GUCY1A2: variants seen among roughly 807,000 people sequenced by gnomAD.
The protein encoded by GUCY1A2 is guanylate cyclase 1 soluble subunit alpha 2, also known as guanylate cyclase soluble subunit alpha-2.
A neutral mutation model predicts 63.5 loss-of-function variants in GUCY1A2; 27 were observed. The ratio of observed to expected loss-of-function variants is 0.43; its 90% CI spans 0.31 to 0.59. The LOEUF (loss-of-function observed/expected upper bound fraction) is 0.59. Among genes scored for constraint, GUCY1A2 ranks in the 20% least tolerant of loss-of-function variants. The pLI is 0.11. For missense variants in GUCY1A2, 768 were observed against 913.3 expected (o/e 0.84, Z 2.05); for synonymous variants, 364 against 343.5 (o/e 1.06, Z -0.66).
chr11:106,682,430 C>T lies in GUCY1A2; in HGVS notation c.*5119G>A, dbSNP rs1480936399. 1 of 209,558 alleles carries T rather than the reference C, an allele frequency of 4.8e-6. No homozygotes were observed. Among genetic ancestry groups the T allele is most frequent in the Non-Finnish European group, 9.7e-6 (1 of 103,094 alleles). The allele number at this position is 209,558 out of a possible 1,614,324, so 13.0% of individuals were successfully genotyped here. Reference sequence around the variant, plus strand: ...CCTGAGACCTACTGAATCCAAATCTCTGAAGGTAAAGACTAGTCTTCTGTA... The same window carrying T: ...CCTGAGACCTACTGAATCCAAATCTTTGAAGGTAAAGACTAGTCTTCTGTA... On this transcript the variant is annotated 3_prime_UTR_variant, in exon 8 of 8. Coordinates refer to ENST00000526355, the MANE Select transcript of GUCY1A2 (RefSeq NM_000855.3).
chr11:106,956,374 A>G (rs1246195164), intron 3 of GUCY1A2, among the ~76,000 whole-genome samples: 1 of 151,630 alleles, frequency 6.6e-6, no homozygotes, highest in Non-Finnish European at 1.5e-5. Flanking sequence ...GGTTTACAGC[A>G]TTTTTTCATT....
intron 4 of GUCY1A2, among the ~76,000 whole-genome samples, chr11:106,890,103 G>A (rs1859953954): frequency 6.6e-6 from 1 of 152,074 alleles, no homozygotes; most frequent in Non-Finnish European, 1.5e-5. Flanking sequence ...AAGTATTCCA[G>A]TTAAGTAGTA....
intron 4 of GUCY1A2, among the ~76,000 whole-genome samples, chr11:106,858,178 A>G (rs117925579): frequency 6.6e-6 from 1 of 152,302 alleles, no homozygotes; most frequent in Non-Finnish European, 1.5e-5. Context: ...TAAAACATAA[A>G]TAAGTCTTGG....
intron 4 of GUCY1A2, among the ~76,000 whole-genome samples, chr11:106,928,294 A>T (rs996687984): frequency 1.3e-5 from 2 of 152,182 alleles, no homozygotes; most frequent in African/African-American, 4.8e-5. Context: ...TTGAAATCTC[A>T]ATCCTTTGAA....
chr11:106,840,665 G>A (rs898161597), intron 4 of GUCY1A2, among the ~76,000 whole-genome samples: 1 of 151,792 alleles, frequency 6.6e-6, no homozygotes, highest in Non-Finnish European at 1.5e-5. Flanking sequence ...ATAATTCTGT[G>A]ATACTTTTTG....
In GUCY1A2 at chr11:106,767,655, T is replaced by C. The variant is rs188881017; in HGVS notation, c.1836+8784A>G. 4.6e-5 allele frequency among the ~76,000 whole-genome samples: 7 copies of C among 152,228 alleles called. No individual in the cohort carries two copies. In the East Asian group the frequency reaches 1.4e-3, roughly 29 times the overall value. On this transcript the variant is annotated intron_variant, in intron 6 of 7. Transcript: ENST00000526355. ...TGACATACACATCACAGACACAATA[T>C]TGTGTTTTAAATCATTATGCTGATA... is the stretch of plus-strand genomic sequence containing the variant.
intron 3 of GUCY1A2, among the ~76,000 whole-genome samples, chr11:106,948,943 T>C (rs1860867147): frequency 1.3e-5 from 2 of 152,202 alleles, no homozygotes; most frequent in Non-Finnish European, 1.5e-5. Flanking sequence ...TTAGAAGATC[T>C]AGGGGACGGT....
intron 4 of GUCY1A2, among the ~76,000 whole-genome samples, chr11:106,840,324 C>G (rs1202971279): frequency 1.3e-5 from 2 of 151,824 alleles, no homozygotes; most frequent in Non-Finnish European, 2.9e-5. Context: ...GACAGGATCC[C>G]CAGTAATTCT....
chr11:106,784,770 T>C (rs1864527839), intron 5 of GUCY1A2, among the ~76,000 whole-genome samples: 1 of 152,196 alleles, frequency 6.6e-6, no homozygotes, highest in South Asian at 2.1e-4. Flanking sequence ...AGATTAATAT[T>C]CTAGCAATAA....
At chr11:106,966,033 T>C (rs538200595) in intron 3 of GUCY1A2, among the ~76,000 whole-genome samples, 27 of 152,246 alleles carry the variant, frequency 1.8e-4, no homozygotes, top group African/African-American at 6.3e-4. Flanking sequence ...TAAATGGATT[T>C]AAGAATATTA....
At position 106,804,045 on chromosome 11, in the gene GUCY1A2, C is replaced by A. The variant is rs368252303; in HGVS notation, c.1692+5948G>T. 7.2e-4 allele frequency among the ~76,000 whole-genome samples: 109 copies of A among 152,248 alleles called. 1 individual carries two copies. Among genetic ancestry groups the A allele is most frequent in the African/African-American group, 2.2e-3 (92 of 41,550 alleles). The stretch of plus-strand genomic sequence containing the variant: ...ACTTCCTACAGCATATAAATGAGTT[C>A]TTTTCTATTCATTAAAATTGTTCTA... On this transcript the variant is annotated intron_variant, in intron 5 of 7. Transcript: ENST00000526355.
At chr11:106,862,587 C>A (rs968625924) in intron 4 of GUCY1A2, among the ~76,000 whole-genome samples, 1 of 152,048 alleles carries the variant, frequency 6.6e-6, no homozygotes, top group Admixed American at 6.6e-5. Flanking sequence ...TTTGTGGGCA[C>A]TCTAAGGGAA....
At chr11:106,863,554 G>A (rs1347749781) in intron 4 of GUCY1A2, among the ~76,000 whole-genome samples, 2 of 152,094 alleles carry the variant, frequency 1.3e-5, no homozygotes, top group East Asian at 3.9e-4. Context: ...TTGTAGTATA[G>A]TCTGATGTCA....
chr11:106,832,620 G>A (rs1859066858), intron 4 of GUCY1A2, among the ~76,000 whole-genome samples: 1 of 152,028 alleles, frequency 6.6e-6, no homozygotes. Context: ...GCATAAGTGT[G>A]CATGTGTTAT....
intron 1 of GUCY1A2, among the ~76,000 whole-genome samples, chr11:107,000,538 G>T (rs1180853591): frequency 6.6e-6 from 1 of 151,986 alleles, no homozygotes; most frequent in Non-Finnish European, 1.5e-5. Flanking sequence ...ATACAATAAG[G>T]GTAATTATAC....
intron 4 of GUCY1A2, among the ~76,000 whole-genome samples, chr11:106,875,207 A>G (rs1436302622): frequency 6.6e-6 from 1 of 152,142 alleles, no homozygotes; most frequent in African/African-American, 2.4e-5. Context: ...ACCAGGAGGT[A>G]GCAAGGAAAT....
In GUCY1A2 at chr11:106,687,839, GC is replaced by G. The variant is rs2135333175; in HGVS notation, c.1992-84del. On this transcript the variant is annotated intron_variant, in intron 7 of 7. Transcript: ENST00000526355. ...GACAGAAATTTTAAAGGCTCAGGAA[GC>G]CTATCTCTGACTGTTCATGGTAATA... is the stretch of plus-strand genomic sequence containing the variant. The G allele has an allele frequency of 3.4e-6, 3 of 895,000 alleles. No individual in the cohort carries two copies. In the East Asian group the frequency reaches 7.3e-5, roughly 22 times the overall value. The allele number at this position is 895,000 out of a possible 1,614,324, so 55.4% of individuals were successfully genotyped here.
At chr11:106,979,306 T>C (rs938233983) in intron 2 of GUCY1A2, among the ~76,000 whole-genome samples, 1 of 151,892 alleles carries the variant, frequency 6.6e-6, no homozygotes, top group Non-Finnish European at 1.5e-5. Flanking sequence ...ATACAAAAAA[T>C]TAGCCGGAAG....
At chr11:106,812,092 A>G (rs989754319) in intron 4 of GUCY1A2, among the ~76,000 whole-genome samples, 1 of 151,992 alleles carries the variant, frequency 6.6e-6, no homozygotes, top group Non-Finnish European at 1.5e-5. Flanking sequence ...TGCTAATAAT[A>G]CATACTTTCT....
Sources: gnomAD v4.1 joint callset for allele counts (sites outside exome capture counted in the v4.1 genomes callset) on GRCh38, gnomAD v4.1.1 for gene constraint, MANE v1.5 for transcripts, NCBI Gene and HGNC (gene_info 2026-07-23, HGNC 2026-07-21) for gene names.